CA1: variants seen among roughly 807,000 people sequenced by gnomAD.
The protein encoded by CA1 is carbonic anhydrase 1.
In CA1, 27 loss-of-function variants were observed where a neutral mutation model predicts 28.8. That is an observed-to-expected ratio of 0.94 (90% confidence interval 0.69 to 1.29). The LOEUF (loss-of-function observed/expected upper bound fraction) is 1.29. Among genes scored for constraint, CA1 ranks in the 50% most tolerant of loss-of-function variants. The probability of loss-of-function intolerance (pLI) is 0.00; values close to 1 mark genes in which losing one functional copy is unlikely to be tolerated. For synonymous variants in CA1, 121 were observed against 108.8 expected (o/e 1.11, Z -0.70); for missense variants, 335 against 310.5 (o/e 1.08, Z -0.59).
intron 1 of CA1, 96 bp from the exon 2 acceptor site, chr8:85,341,755 T>G: frequency 2.8e-6 from 2 of 716,520 alleles, no homozygotes; most frequent in South Asian, 3.1e-5. Flanking sequence ...GAAACTTACT[T>G]GCTTTTAATA....
chr8:85,343,513 A>T (rs1016626879), intron 1 of CA1, among the ~76,000 whole-genome samples: 2 of 152,198 alleles, frequency 1.3e-5, no homozygotes, highest in Non-Finnish European at 2.9e-5. Flanking sequence ...CCTTGGGCTT[A>T]CTTCACTCCG....
chr8:85,362,195 A>G (rs1224740096), intron 1 of CA1, among the ~76,000 whole-genome samples: 3 of 152,186 alleles, frequency 2.0e-5, no homozygotes, highest in Admixed American at 6.5e-5. Context: ...CGAGCAGTAT[A>G]AAATCTTCTC....
intron 1 of CA1, among the ~76,000 whole-genome samples, chr8:85,360,776 C>T (rs1290379009): frequency 6.6e-6 from 1 of 152,186 alleles, no homozygotes. Flanking sequence ...GGCATTACAC[C>T]ATCCCTGTTT....
chr8:85,341,402 A>G (rs899202308), intron 2 of CA1, 197 bp downstream of exon 2: 3 of 518,820 alleles, frequency 5.8e-6, no homozygotes, highest in African/African-American at 3.8e-5. Flanking sequence ...GTATATATAT[A>G]TATCAAACAT....
chr8:85,336,204 A>T (rs2130169502), intron 4 of CA1, among the ~76,000 whole-genome samples: 1 of 152,322 alleles, frequency 6.6e-6, no homozygotes, highest in Non-Finnish European at 1.5e-5. Context: ...AAATAGAAAA[A>T]AAGCAGGTTG....
At position 85,337,213 on chromosome 8, in the gene CA1, A is replaced by G. The variant is rs776574016; in HGVS notation, c.236-150T>C. On this transcript the variant is annotated intron_variant, in intron 3 of 7. Transcript: ENST00000523022. ...TTTCATCTTGTTTTCCCCCACATCC[A>G]TGAGGATGACAGTCATATGTATGGT... is the stretch of plus-strand genomic sequence containing the variant. The G allele has an allele frequency of 3.4e-4, 228 of 675,434 alleles. 1 individual carries two copies. Among genetic ancestry groups the G allele is most frequent in the African/African-American group, 1.2e-4 (7 of 56,784 alleles). The allele number at this position is 675,434 out of a possible 1,614,324, so 41.8% of individuals were successfully genotyped here. A position where few individuals can be genotyped will look rare whatever the true frequency, so the allele number is the denominator to read the frequency against.
At chr8:85,352,666 A>AT (rs571013802) in intron 1 of CA1, among the ~76,000 whole-genome samples, 4,373 of 126,072 alleles carry the variant, frequency 0.035, 227 homozygotes, top group African/African-American at 0.12. Context: ...CCTCAGCTCC[A>AT]TTTTTTTTTT....
intron 1 of CA1, among the ~76,000 whole-genome samples, chr8:85,373,195 T>G (rs889088212): frequency 1.3e-5 from 2 of 152,184 alleles, no homozygotes; most frequent in South Asian, 4.1e-4. Flanking sequence ...AAGATGGGTG[T>G]TTCGTTAAGA....
intron 1 of CA1, among the ~76,000 whole-genome samples, chr8:85,342,282 CAA>C (rs564872736): frequency 1.4e-3 from 218 of 152,094 alleles, no homozygotes; most frequent in Admixed American, 3.6e-3. Context: ...AAATATAACA[CAA>C]TATTTATTTT....
intron 1 of CA1, among the ~76,000 whole-genome samples, chr8:85,375,190 T>G (rs761141772): frequency 6.6e-6 from 1 of 152,150 alleles, no homozygotes; most frequent in Non-Finnish European, 1.5e-5. Context: ...ACTCCAACAT[T>G]TTTGCTTCTC....
At chr8:85,346,348 A>G (rs1025637100) in intron 1 of CA1, among the ~76,000 whole-genome samples, 1 of 152,212 alleles carries the variant, frequency 6.6e-6, no homozygotes, top group African/African-American at 2.4e-5. Context: ...AGAACATACT[A>G]TTTGTATCTT....
intron 1 of CA1, among the ~76,000 whole-genome samples, chr8:85,358,482 T>C (rs1294916219): frequency 1.3e-5 from 2 of 152,230 alleles, no homozygotes; most frequent in Admixed American, 6.5e-5. Flanking sequence ...CTGAGGATTT[T>C]GTCCAGTGTC....
Position 85,338,412 on chromosome 8 carries a change from A to G in CA1, c.75T>C (p.Asn25=). The change falls in exon 3 of 8, where the codon AAT becomes AAC. Residue 25 remains asparagine, a synonymous_variant. Transcript: ENST00000523022. Reference sequence around the variant, plus strand: ...TATCAACAGGGGACTGGTTATTTCCATTGGCAATGGGATACAGCTTGCTCC... The same window carrying G: ...TATCAACAGGGGACTGGTTATTTCCGTTGGCAATGGGATACAGCTTGCTCC... ...EQWSKLYPIA[N]GNNQSPVDIK... 1 of 1,613,990 alleles carries G rather than the reference A, an allele frequency of 6.2e-7. No individual in the cohort carries two copies. The highest frequency in any genetic ancestry group is 1.1e-5 in the South Asian group (1 of 91,086).
At chr8:85,377,819 A>G (rs1343768071) in intron 1 of CA1, among the ~76,000 whole-genome samples, 1 of 152,162 alleles carries the variant, frequency 6.6e-6, no homozygotes, top group Non-Finnish European at 1.5e-5. Flanking sequence ...AAAAAAGGTA[A>G]TTTATATTAT....
intron 1 of CA1, among the ~76,000 whole-genome samples, chr8:85,364,959 C>G (rs1809946469): frequency 6.6e-6 from 1 of 152,138 alleles, no homozygotes; most frequent in Non-Finnish European, 1.5e-5. Flanking sequence ...CTGGCAGCAA[C>G]AGCTGCCGCT....
intron 2 of CA1, among the ~76,000 whole-genome samples, chr8:85,338,652 CTTTCTTTCTTTCTTTCTTTCTTTCT>C (rs1808772432): frequency 3.1e-5 from 1 of 31,846 alleles, no homozygotes; most frequent in Non-Finnish European, 7.3e-5. Context: ...TTCTTTCTTT[CTTTCTTTCTTTCTTTCTTTCTTTCT>C]TTCTTTCCTT....
intron 1 of CA1, among the ~76,000 whole-genome samples, chr8:85,363,176 C>T (rs1440890231): frequency 6.6e-6 from 1 of 152,148 alleles, no homozygotes; most frequent in Admixed American, 6.5e-5. Flanking sequence ...GTTGCTTTTA[C>T]TACTAATGAG....
At chr8:85,355,305 T>G (rs1353251973) in intron 1 of CA1, among the ~76,000 whole-genome samples, 1 of 152,184 alleles carries the variant, frequency 6.6e-6, no homozygotes, top group Non-Finnish European at 1.5e-5. Flanking sequence ...TTTCTCTAAC[T>G]GAAGTATGAA....
chr8:85,358,708 A>G (rs1462179997), intron 1 of CA1, among the ~76,000 whole-genome samples: 2 of 152,196 alleles, frequency 1.3e-5, no homozygotes, highest in African/African-American at 4.8e-5. Flanking sequence ...TATTTGGCCA[A>G]TGGGACATCA....
Sources: gnomAD v4.1 joint callset for allele counts (sites outside exome capture counted in the v4.1 genomes callset) on GRCh38, gnomAD v4.1.1 for gene constraint, MANE v1.5 for transcripts, NCBI Gene and HGNC (gene_info 2026-07-23, HGNC 2026-07-21) for gene names.